The following SHC1 variants were observed in gnomAD, a reference collection of about 807,000 sequenced individuals.
SHC1 encodes SHC-transforming protein 1.
Under a neutral mutation model 55.9 loss-of-function variants are expected in SHC1, and 30 were observed. The ratio of observed to expected loss-of-function variants is 0.54; its 90% CI spans 0.40 to 0.73. The LOEUF (loss-of-function observed/expected upper bound fraction) is 0.73, where lower values mean the gene tolerates loss of function less well. Among genes scored for constraint, SHC1 ranks in the 30% least tolerant of loss-of-function variants. The probability of loss-of-function intolerance (pLI) is 0.00; values close to 1 mark genes in which losing one functional copy is unlikely to be tolerated. For synonymous variants in SHC1, 309 were observed against 306.1 expected (o/e 1.01, Z -0.10); for missense variants, 675 against 777.1 (o/e 0.87, Z 1.56).
upstream of SHC1, among the ~76,000 whole-genome samples, chr1:154,972,459 C>G (rs1656838598): frequency 6.6e-6 from 1 of 152,064 alleles, no homozygotes; most frequent in African/African-American, 2.4e-5. Flanking sequence ...GGAATTTTAT[C>G]ACTTCATTTC....
rs933197532 is a variant in SHC1 at position 154,962,562 on chromosome 1, G to C, written c.*1241C>G. ...CATTCGGGCTGACTTCTGCCTCTCA[G>C]TCTCGCGGTAAGAGACCCAAGTTTT... On this transcript the variant is annotated 3_prime_UTR_variant, in exon 12 of 12. Transcript: ENST00000448116. The C allele has an allele frequency of 6.6e-6, 1 of 152,350 alleles. No individual in the cohort carries two copies. The highest frequency in any genetic ancestry group is 2.4e-5 in the African/African-American group (1 of 41,408). 9.4% of individuals were successfully genotyped at this position (152,350 alleles called of 1,614,324 possible). A position where few individuals can be genotyped will look rare whatever the true frequency, so the allele number is the denominator to read the frequency against.
At position 154,962,533 on chromosome 1, in the gene SHC1, C is replaced by G. The variant is rs563912995; in HGVS notation, c.*1270G>C. 6.6e-6 allele frequency: 1 copy of G among 152,450 alleles called. No individual in the cohort carries two copies. The highest frequency in any genetic ancestry group is 1.5e-5 in the Non-Finnish European group (1 of 68,048). The allele number at this position is 152,450 out of a possible 1,614,324, so 9.4% of individuals were successfully genotyped here. A position where few individuals can be genotyped will look rare whatever the true frequency, so the allele number is the denominator to read the frequency against. ...TTGCGTTTCCCCTCCATGAAACTGA[C>G]AGGCATTCGGGCTGACTTCTGCCTC... is the stretch of plus-strand genomic sequence containing the variant. On this transcript the variant is annotated 3_prime_UTR_variant, in exon 12 of 12. Transcript: ENST00000448116.
chr1:154,965,691 T>C lies in SHC1; in HGVS notation c.1478A>G (p.Lys493Arg). 2 of 1,614,130 alleles carry C rather than the reference T, an allele frequency of 1.2e-6. No homozygotes were observed. Reference sequence around the variant, plus strand: ...TGCCTCAGCCTCCCGCCGGCTCAGCTTCCCATGGAACCAGGGCTCCCCTCG... The same window carrying C: ...TGCCTCAGCCTCCCGCCGGCTCAGCCTCCCATGGAACCAGGGCTCCCCTCG... ...QLRGEPWFHG[K>R]LSRREAEALL... The change falls in exon 11 of 12, where the codon AAG becomes AGG. Residue 493 changes from lysine (K) to arginine (R), a missense_variant. Physicochemically the swap from Lys to Arg is conservative, Grantham distance 26. Coordinates refer to ENST00000448116, the MANE Select transcript of SHC1 (RefSeq NM_001130040.2).
chr1:154,970,750 C>T (rs1422287753), upstream of SHC1: 2 of 473,904 alleles, frequency 4.2e-6, no homozygotes, highest in Non-Finnish European at 7.4e-6. The surrounding 1 kb of genome is among the most constrained non-coding windows in gnomAD (Gnocchi z 5.5). Context: ...TCTTCTCTGG[C>T]TGAGAAGAGA....
At chr1:154,973,613 T>C (rs550711134), upstream of SHC1, 3 of 151,386 alleles carry the variant, frequency 2.0e-5, no homozygotes, top group African/African-American at 7.3e-5. Context: ...ACTTCCCACC[T>C]GGGGGAGCAC....
chr1:154,969,344 C>T lies in SHC1; in HGVS notation c.566+34G>A, dbSNP rs777786185. 10 of 1,499,308 alleles carry T rather than the reference C, an allele frequency of 6.7e-6. No individual in the cohort carries two copies. The South Asian group carries it at 1.2e-4, about 17-fold the overall frequency. The allele number at this position is 1,499,308 out of a possible 1,614,324, so 92.9% of individuals were successfully genotyped here. A position where few individuals can be genotyped will look rare whatever the true frequency, so the allele number is the denominator to read the frequency against. ...CTGTTTCCCATGGCCTCACTAATCC[C>T]AGGACTCCCACAATCCACTCCCTCC... is the stretch of plus-strand genomic sequence containing the variant. On this transcript the variant is annotated intron_variant, in intron 2 of 11. Coordinates refer to ENST00000448116, the MANE Select transcript of SHC1 (RefSeq NM_001130040.2).
intron 4 of SHC1, 54 bp from the exon 5 acceptor site, chr1:154,968,311 C>T (rs892062786): frequency 3.8e-6 from 6 of 1,590,360 alleles, no homozygotes; most frequent in Non-Finnish European, 4.3e-6. Context: ...TGTCAGGCAG[C>T]CTCAGGGCCC....
rs1458066268 is a variant in SHC1 at position 154,965,525 on chromosome 1, C to T, written c.1626+18G>A. ...CTTCCTTTTTGCCACCCCTCACCCA[C>T]ACCTCTGCCACACTCACCACACCCT... On this transcript the variant is annotated intron_variant, in intron 11 of 11. Coordinates refer to ENST00000448116, the MANE Select transcript of SHC1 (RefSeq NM_001130040.2). 1.2e-6 allele frequency: 2 copies of T among 1,614,094 alleles called. No homozygotes were observed. Among genetic ancestry groups the T allele is most frequent in the African/African-American group, 2.7e-5 (2 of 74,930 alleles).
upstream of SHC1, among the ~76,000 whole-genome samples, chr1:154,972,621 G>C (rs1426344241): frequency 6.6e-6 from 1 of 152,182 alleles, no homozygotes; most frequent in Non-Finnish European, 1.5e-5. Context: ...AAGGACCAAC[G>C]GGTGTGGGCG....
At chr1:154,964,976 C>T (rs1655756595) in intron 11 of SHC1, among the ~76,000 whole-genome samples, 1 of 152,252 alleles carries the variant, frequency 6.6e-6, no homozygotes, top group South Asian at 2.1e-4. Flanking sequence ...GATGAGATGA[C>T]TGCCTTCTAG....
chr1:154,969,476 G>A (rs917519347), intron 1 of SHC1, 28 bp from the exon 2 acceptor site: 1 of 1,516,032 alleles, frequency 6.6e-7, no homozygotes, highest in African/African-American at 1.4e-5. Flanking sequence ...AGGACAGCAG[G>A]TCAGCGGCTC....
upstream of SHC1, among the ~76,000 whole-genome samples, chr1:154,972,852 C>T (rs1337630065): frequency 1.3e-5 from 2 of 151,576 alleles, no homozygotes; most frequent in African/African-American, 4.9e-5. Context: ...GAGGAATGCC[C>T]AGACAAGAAC....
rs142622176 is a variant in SHC1 at position 154,964,203 on chromosome 1, G to T, written c.1627-272C>A. On this transcript the variant is annotated intron_variant, in intron 11 of 11. Coordinates refer to ENST00000448116, the MANE Select transcript of SHC1 (RefSeq NM_001130040.2). ...CTATATACCCCTTTCTTGACCTGGAGGAAGTTGGCATGTCTCAGAAGAGTA... is the reference window on the plus strand; with the variant it reads ...CTATATACCCCTTTCTTGACCTGGATGAAGTTGGCATGTCTCAGAAGAGTA... 4.7e-4 allele frequency: 262 copies of T among 553,318 alleles called. 1 individual carries two copies. In the Middle Eastern group the frequency reaches 5.0e-3, roughly 11 times the overall value. The allele number at this position is 553,318 out of a possible 1,614,324, so 34.3% of individuals were successfully genotyped here.
rs1414598157 is a variant in SHC1, at chr1:154,963,871, T to G, written c.1687A>C (p.Asn563His). ...CCCGCAGAGATGATGGGCAAGTGAT[T>G]GTCCATGTGGTAGCTGATAAGGTGA... is the stretch of plus-strand genomic sequence containing the variant. ...VSHLISYHMD[N>H]HLPIISAGSE... Residue 563 changes from asparagine (N) to histidine (H), a missense_variant, in exon 12 of 12, where the codon AAT becomes CAT. Asn to His is a moderately conservative substitution (Grantham distance 68). Transcript: ENST00000448116. 1 of 1,614,176 alleles carries G rather than the reference T, an allele frequency of 6.2e-7. No homozygotes were observed. The highest frequency in any genetic ancestry group is 1.7e-5 in the Admixed American group (1 of 60,020).
At chr1:154,968,680 C>T in intron 3 of SHC1, 66 bp from the exon 4 acceptor site, 1 of 1,611,340 alleles carries the variant, frequency 6.2e-7, no homozygotes. Flanking sequence ...ACTTTTGCCT[C>T]CTGGCCCTCT....
intron 1 of SHC1, 85 bp downstream of exon 1, chr1:154,969,947 G>C: frequency 6.8e-7 from 1 of 1,473,088 alleles, no homozygotes; most frequent in Non-Finnish European, 9.4e-7. Flanking sequence ...GGAACAGCAG[G>C]AAAAAAGAGA....
At chr1:154,972,611 A>C (rs185119330), upstream of SHC1, among the ~76,000 whole-genome samples, 111 of 152,340 alleles carry the variant, frequency 7.3e-4, 2 homozygotes, top group Admixed American at 7.3e-3. Context: ...AGAGCCAGGG[A>C]AGGACCAACG....
chr1:154,968,159 C>A, intron 5 of SHC1, 45 bp downstream of exon 5: 1 of 1,600,764 alleles, frequency 6.2e-7, no homozygotes, highest in Non-Finnish European at 8.6e-7. Context: ...CAATCCCTAG[C>A]CCCTTGCTCT....
chr1:154,972,046 G>A (rs1447909177), upstream of SHC1, among the ~76,000 whole-genome samples: 2 of 151,922 alleles, frequency 1.3e-5, no homozygotes, highest in African/African-American at 4.8e-5. Context: ...TCAGGAGTTC[G>A]AGACCAGCCT....
Sources: allele counts gnomAD v4.1 joint callset (sites outside exome capture counted in the v4.1 genomes callset), GRCh38; gene constraint gnomAD v4.1.1; non-coding constraint Gnocchi (gnomAD v3.1); transcripts MANE v1.5; gene names NCBI Gene and HGNC (gene_info 2026-07-23, HGNC 2026-07-21).